CEP63: variants seen among roughly 807,000 people sequenced by gnomAD.
CEP63 encodes the protein centrosomal protein of 63 kDa.
In CEP63, 84 loss-of-function variants were observed where a neutral mutation model predicts 89.1. That is an observed-to-expected ratio of 0.94 (90% confidence interval 0.79 to 1.13). The LOEUF is 1.13. CEP63 is among the 50% of genes most tolerant of loss of function. The probability of loss-of-function intolerance (pLI) is 0.00; values close to 1 mark genes in which losing one functional copy is unlikely to be tolerated. For synonymous variants in CEP63, 267 were observed against 272.5 expected, an observed-to-expected ratio of 0.98 and a Z score of 0.20; for missense variants, 838 against 813.3, an observed-to-expected ratio of 1.03 and a Z score of -0.37.
At chr3:134,693,376 C>T in the CEP63 span, among the ~76,000 whole-genome samples, 1 of 152,138 alleles carries the variant, frequency 6.6e-6, no homozygotes, top group African/African-American at 2.4e-5. Flanking sequence ...CAGAAACTGA[C>T]TGGTTCCCTA....
chr3:134,770,742 C>T, the CEP63 span, among the ~76,000 whole-genome samples: 3 of 152,022 alleles, frequency 2.0e-5, no homozygotes, highest in African/African-American at 4.8e-5. Context: ...CTTTGCATTC[C>T]CCCTCTGAGA....
At chr3:134,526,116 G>A (rs1948593892) in intron 3 of CEP63, among the ~76,000 whole-genome samples, 1 of 151,954 alleles carries the variant, frequency 6.6e-6, no homozygotes, top group African/African-American at 2.4e-5. Flanking sequence ...ATATCTTGGG[G>A]GTTTTATTCA....
At chr3:134,494,840 A>G (rs1162064130) in intron 1 of CEP63, among the ~76,000 whole-genome samples, 1 of 152,188 alleles carries the variant, frequency 6.6e-6, no homozygotes, top group Non-Finnish European at 1.5e-5. Context: ...AGGCTTTCCC[A>G]TGATAGACCA....
chr3:134,690,232 A>G, the CEP63 span, among the ~76,000 whole-genome samples: 1 of 152,254 alleles, frequency 6.6e-6, no homozygotes, highest in East Asian at 1.9e-4. Context: ...TATAAAACAT[A>G]GTAAAAATAA....
At position 134,564,643 on chromosome 3, in the gene CEP63, G is replaced by A; in HGVS notation, c.*3108G>A. On this transcript the variant is annotated 3_prime_UTR_variant, in exon 15 of 15. Coordinates refer to ENST00000675561, the MANE Select transcript of CEP63 (RefSeq NM_001353108.3). ...TAAAACTGAAATAATATCTAATGGG[G>A]TCGAGAAGATTTACTGAAAATATAT... 2.0e-6 allele frequency: 2 copies of A among 985,392 alleles called. No homozygotes were observed. Among genetic ancestry groups the A allele is most frequent in the South Asian group, 9.4e-5 (2 of 21,284 alleles). The allele number at this position is 985,392 out of a possible 1,614,324, so 61.0% of individuals were successfully genotyped here. A position where few individuals can be genotyped will look rare whatever the true frequency, so the allele number is the denominator to read the frequency against.
chr3:134,494,450 C>A (rs966864792), intron 1 of CEP63, among the ~76,000 whole-genome samples: 1 of 152,066 alleles, frequency 6.6e-6, no homozygotes, highest in Non-Finnish European at 1.5e-5. Context: ...TTCTATCTCC[C>A]GTTCCCTCTT....
chr3:134,603,949 A>G, the CEP63 span: 14 of 1,613,850 alleles, frequency 8.7e-6, no homozygotes, highest in East Asian at 4.5e-5. Context: ...CCTCTTCTTG[A>G]CAAAGATCTT....
At chr3:134,602,066 G>T in the CEP63 span, among the ~76,000 whole-genome samples, 1 of 152,194 alleles carries the variant, frequency 6.6e-6, no homozygotes, top group Admixed American at 6.5e-5. Context: ...CCCTGGCTGT[G>T]GTTGAGCCTG....
At chr3:134,656,483 A>G in the CEP63 span, among the ~76,000 whole-genome samples, 3 of 152,188 alleles carry the variant, frequency 2.0e-5, no homozygotes, top group Non-Finnish European at 2.9e-5. Context: ...CAGGGATGGA[A>G]GAGCAGGGAC....
chr3:134,608,438 A>G, the CEP63 span: 1 of 1,514,176 alleles, frequency 6.6e-7, no homozygotes, highest in Non-Finnish European at 8.8e-7. Flanking sequence ...GTCCCTGCTG[A>G]TGTGGCCTAT....
At position 134,562,193 on chromosome 3, in the gene CEP63, A is replaced by G. The variant is rs543625573; in HGVS notation, c.*658A>G. On this transcript the variant is annotated 3_prime_UTR_variant, in exon 15 of 15. Transcript: ENST00000675561. ...CCCATGGAATATCCATTGGAAATAAATGTTCATCGTCTGCACTGCTGAGGA... is the reference window on the plus strand; with the variant it reads ...CCCATGGAATATCCATTGGAAATAAGTGTTCATCGTCTGCACTGCTGAGGA... 1.0e-6 allele frequency: 1 copy of G among 986,344 alleles called. No homozygotes were observed. The highest frequency in any genetic ancestry group is 1.1e-4 in the East Asian group (1 of 8,818). The allele number at this position is 986,344 out of a possible 1,614,324, so 61.1% of individuals were successfully genotyped here. A position where few individuals can be genotyped will look rare whatever the true frequency, so the allele number is the denominator to read the frequency against.
the CEP63 span, among the ~76,000 whole-genome samples, chr3:134,704,012 C>G: frequency 6.6e-6 from 1 of 152,116 alleles, no homozygotes; most frequent in African/African-American, 2.4e-5. Flanking sequence ...TCTTTGTGAT[C>G]TCTATTTACC....
At chr3:134,631,414 T>G in the CEP63 span, among the ~76,000 whole-genome samples, 28 of 152,146 alleles carry the variant, frequency 1.8e-4, no homozygotes, top group Non-Finnish European at 3.8e-4. Flanking sequence ...GAAGAGAAAT[T>G]ATACCAGAGG....
the CEP63 span, among the ~76,000 whole-genome samples, chr3:134,766,196 T>C: frequency 2.6e-5 from 4 of 152,202 alleles, no homozygotes; most frequent in African/African-American, 9.6e-5. Context: ...TACTTTAATG[T>C]TAGGATCTAC....
At chr3:134,665,237 A>G in the CEP63 span, among the ~76,000 whole-genome samples, 1 of 152,206 alleles carries the variant, frequency 6.6e-6, no homozygotes, top group African/African-American at 2.4e-5. Context: ...GAGAAAGGTC[A>G]GGGCTGGCCT....
At chr3:134,643,235 A>T in the CEP63 span, 1 of 1,395,692 alleles carries the variant, frequency 7.2e-7, no homozygotes, top group Admixed American at 1.8e-5. Context: ...TGAGCTCCAC[A>T]TCCTGGGCTG....
chr3:134,738,768 A>G, the CEP63 span, among the ~76,000 whole-genome samples: 3 of 152,320 alleles, frequency 2.0e-5, no homozygotes, highest in African/African-American at 7.2e-5. Context: ...ACTAATGGAA[A>G]AAAAGAATAA....
chr3:134,525,807 CATTAGTCTGAT>C (rs1194597883), intron 3 of CEP63, among the ~76,000 whole-genome samples: 1 of 152,116 alleles, frequency 6.6e-6, no homozygotes, highest in Non-Finnish European at 1.5e-5. Flanking sequence ...AGAGGTCTAC[CATTAGTCTGAT>C]ATTCCCTTTA....
At chr3:134,642,187 G>A in the CEP63 span, among the ~76,000 whole-genome samples, 12 of 152,156 alleles carry the variant, frequency 7.9e-5, no homozygotes, top group East Asian at 1.9e-4. Flanking sequence ...ACCTGCCAGC[G>A]CCTTTCTATA....
Sources: allele counts gnomAD v4.1 joint callset (sites outside exome capture counted in the v4.1 genomes callset), GRCh38; gene constraint gnomAD v4.1.1; transcripts MANE v1.5; gene names NCBI Gene and HGNC (gene_info 2026-07-23, HGNC 2026-07-21).